CA10: variants seen among roughly 807,000 people sequenced by gnomAD.
CA10 encodes the protein carbonic anhydrase-related protein 10.
In CA10, 14 loss-of-function variants were observed where a neutral mutation model predicts 44.2. The ratio of observed to expected loss-of-function variants is 0.32; its 90% confidence interval spans 0.21 to 0.50. CA10 has a LOEUF of 0.50. Ranked by LOEUF, CA10 falls within the 20% of genes least tolerant of loss-of-function variation. The pLI is 0.99. For synonymous variants in CA10, 159 were observed against 141.6 expected (o/e 1.12, Z -0.87); for missense variants, 350 against 409.7 (o/e 0.85, Z 1.26).
intron 1 of CA10, among the ~76,000 whole-genome samples, chr17:52,115,490 G>T (rs1988874056): frequency 6.6e-6 from 1 of 152,124 alleles, no homozygotes; most frequent in African/African-American, 2.4e-5. Flanking sequence ...TCACTCTTGG[G>T]GGTCAGGAAT....
intron 3 of CA10, among the ~76,000 whole-genome samples, chr17:51,922,034 TTGCTGAAAACAAAAACACC>T (rs1982255039): frequency 6.6e-6 from 1 of 152,208 alleles, no homozygotes; most frequent in South Asian, 2.1e-4. Flanking sequence ...TTATGTTTTC[TTGCTGAAAACAAAAACACC>T]TGTGATGGTA....
chr17:51,863,766 C>A (rs558624766), intron 3 of CA10, among the ~76,000 whole-genome samples: 6 of 152,288 alleles, frequency 3.9e-5, no homozygotes, highest in African/African-American at 1.4e-4. Context: ...GTAAGAGATG[C>A]ATAGAAAGAA....
At chr17:51,939,582 T>A (rs1982998038) in intron 2 of CA10, among the ~76,000 whole-genome samples, 1 of 152,062 alleles carries the variant, frequency 6.6e-6, no homozygotes, top group Admixed American at 6.6e-5. Context: ...TAGTATTGGA[T>A]GTTATTTATT....
chr17:51,847,646 T>A (rs952697027), intron 3 of CA10, among the ~76,000 whole-genome samples: 1 of 152,206 alleles, frequency 6.6e-6, no homozygotes, highest in Non-Finnish European at 1.5e-5. Flanking sequence ...CATAAAATCA[T>A]CCTGCTTCTT....
intron 3 of CA10, among the ~76,000 whole-genome samples, chr17:51,919,131 A>ATT (rs149993587): frequency 0.011 from 1,655 of 152,138 alleles, 25 homozygotes; most frequent in African/African-American, 0.039. Context: ...AATCTACTAT[A>ATT]TTTCTTTTCT....
chr17:51,660,821 TC>T (rs1913977455), intron 4 of CA10, among the ~76,000 whole-genome samples: 1 of 152,118 alleles, frequency 6.6e-6, no homozygotes, highest in Non-Finnish European at 1.5e-5. Context: ...TAACCATGTG[TC>T]CTTGTTTTCT....
chr17:52,012,187 T>C (rs1254187870), intron 2 of CA10, among the ~76,000 whole-genome samples: 2 of 152,004 alleles, frequency 1.3e-5, no homozygotes, highest in African/African-American at 4.8e-5. Context: ...ATGAAGAAAC[T>C]GAGGGGAAAA....
At chr17:51,757,331 C>T (rs1905103838) in intron 3 of CA10, among the ~76,000 whole-genome samples, 1 of 152,186 alleles carries the variant, frequency 6.6e-6, no homozygotes, top group Non-Finnish European at 1.5e-5. Flanking sequence ...TTCAGTGCAG[C>T]ATAGCAGACA....
intron 6 of CA10, among the ~76,000 whole-genome samples, chr17:51,638,099 C>T (rs1238329909): frequency 1.3e-5 from 2 of 152,230 alleles, no homozygotes; most frequent in Non-Finnish European, 2.9e-5. Flanking sequence ...ATTGCTCGTT[C>T]AGCCTTCTCC....
intron 3 of CA10, among the ~76,000 whole-genome samples, chr17:51,821,202 A>C (rs1228609736): frequency 6.7e-6 from 1 of 148,314 alleles, no homozygotes; most frequent in Admixed American, 6.8e-5. Context: ...CAGGTGCTAG[A>C]TGCTGGGTAG....
chr17:51,845,606 C>T (rs1978458495), intron 3 of CA10, among the ~76,000 whole-genome samples: 1 of 152,210 alleles, frequency 6.6e-6, no homozygotes, highest in Admixed American at 6.5e-5. Context: ...TCCCTCAGAT[C>T]CAATTTCCCC....
At chr17:51,912,572 C>T (rs1033652303) in intron 3 of CA10, among the ~76,000 whole-genome samples, 25 of 152,322 alleles carry the variant, frequency 1.6e-4, no homozygotes, top group Middle Eastern at 3.4e-3. Context: ...TGTCAATGAT[C>T]ATAAAGCTAA....
chr17:51,924,086 G>A (rs203078), intron 3 of CA10, among the ~76,000 whole-genome samples: 50,596 of 152,018 alleles, frequency 0.33, 10,626 homozygotes, highest in Non-Finnish European at 0.47. Context: ...ATAAATATAA[G>A]TAAGGTGCTT....
chr17:51,924,895 C>G (rs1199597358), intron 3 of CA10, among the ~76,000 whole-genome samples: 2 of 152,150 alleles, frequency 1.3e-5, no homozygotes, highest in Non-Finnish European at 2.9e-5. Flanking sequence ...ATCCAGAAAT[C>G]AAAAGGAAAT....
At chr17:51,744,253 T>G (rs995188760) in intron 4 of CA10, among the ~76,000 whole-genome samples, 5 of 150,584 alleles carry the variant, frequency 3.3e-5, no homozygotes, top group Non-Finnish European at 5.9e-5. Context: ...AGGTGGAGGT[T>G]GCAGTGAACC....
At chr17:51,679,610 A>G (rs1366064011) in intron 4 of CA10, among the ~76,000 whole-genome samples, 1 of 148,770 alleles carries the variant, frequency 6.7e-6, no homozygotes, top group Non-Finnish European at 1.5e-5. Flanking sequence ...ACCAGGCTGG[A>G]GTGCAGTGGC....
chr17:51,971,372 G>A (rs752953297), intron 2 of CA10, among the ~76,000 whole-genome samples: 14 of 152,090 alleles, frequency 9.2e-5, no homozygotes, highest in Non-Finnish European at 1.5e-4. Flanking sequence ...TACTTAGTGA[G>A]ATTTTGTTTA....
chr17:51,869,139 A>G (rs1979692516), intron 3 of CA10, among the ~76,000 whole-genome samples: 1 of 152,166 alleles, frequency 6.6e-6, no homozygotes, highest in Admixed American at 6.5e-5. Context: ...TAGAAAAAGG[A>G]CTATTTTCAC....
At chr17:52,102,239 C>A (rs1000106336) in intron 1 of CA10, among the ~76,000 whole-genome samples, 3 of 152,216 alleles carry the variant, frequency 2.0e-5, no homozygotes, top group Non-Finnish European at 4.4e-5. Flanking sequence ...AGAATTCTGG[C>A]CGGCCTCCTT....
Sources: gnomAD v4.1 joint callset for allele counts (sites outside exome capture counted in the v4.1 genomes callset) on GRCh38, gnomAD v4.1.1 for gene constraint, MANE v1.5 for transcripts, NCBI Gene and HGNC (gene_info 2026-07-23, HGNC 2026-07-21) for gene names.